Variants in HDAC5 observed in about 807,000 individuals in gnomAD.
HDAC5 encodes the protein histone deacetylase 5.
In HDAC5, 25 loss-of-function variants were observed where a neutral mutation model predicts 133.3. That is an observed-to-expected ratio of 0.19 (90% CI 0.14 to 0.26). HDAC5 has a LOEUF of 0.26. Among genes scored for constraint, HDAC5 ranks in the 10% least tolerant of loss-of-function variants. The pLI, the probability that HDAC5 is intolerant of heterozygous loss-of-function variation, is 1.00. For missense variants in HDAC5, 1,041 were observed against 1,460.5 expected (o/e 0.71, Z 4.68); for synonymous variants, 589 against 610.8 (o/e 0.96, Z 0.53).
chr17:44,110,722 C>A lies in HDAC5; in HGVS notation c.94+7G>T. ...CAGAGGGCAGGCAGGGACATCAAGG[C>A]ACTTACCTGTCACAGGGATGCTGTG... On this transcript the variant is annotated splice_region_variant and intron_variant, in intron 3 of 26. Coordinates refer to ENST00000682912, the MANE Select transcript of HDAC5 (RefSeq NM_005474.5). 6.2e-7 allele frequency: 1 copy of A among 1,611,916 alleles called. No homozygotes were observed. The highest frequency in any genetic ancestry group is 8.5e-7 in the Non-Finnish European group (1 of 1,178,580).
At chr17:44,084,815 C>T in intron 15 of HDAC5, 140 bp from the exon 16 acceptor site, 3 of 1,303,822 alleles carry the variant, frequency 2.3e-6, no homozygotes, top group Non-Finnish European at 3.2e-6. Context: ...CTGGCTCTGT[C>T]ATGACCTTAC....
Position 44,117,768 on chromosome 17 carries a change from T to C in HDAC5, c.-189-64A>G, listed in dbSNP as rs2052737097. Reference sequence around the variant, plus strand: ...AGGAATCTGAGAGTCGAAGGAGACCTTGGAGCTCATCAGTTTGTACCTGGG... The same window carrying C: ...AGGAATCTGAGAGTCGAAGGAGACCCTGGAGCTCATCAGTTTGTACCTGGG... On this transcript the variant is annotated intron_variant, in intron 1 of 26. Transcript: ENST00000682912. The surrounding 1 kb of genome is among the most constrained non-coding windows in gnomAD (Gnocchi z 4.2). 1.7e-6 allele frequency: 1 copy of C among 596,856 alleles called. No individual in the cohort carries two copies. The highest frequency in any genetic ancestry group is 2.0e-5 in the South Asian group (1 of 50,484). The allele number at this position is 596,856 out of a possible 1,614,324, so 37.0% of individuals were successfully genotyped here.
In HDAC5 at chr17:44,085,004, A is replaced by G. The variant is rs1382919373; in HGVS notation, c.2184+18T>C. 1.7e-5 allele frequency: 26 copies of G among 1,572,676 alleles called. No individual in the cohort carries two copies. In the Admixed American group the frequency reaches 3.1e-4, roughly 19 times the overall value. ...CTGGATTTAAGTTGAGAGCCAGAAG[A>G]AGGAGGGGCTCCCTTACCTCGCACT... On this transcript the variant is annotated intron_variant, in intron 15 of 26. Coordinates refer to ENST00000682912, the MANE Select transcript of HDAC5 (RefSeq NM_005474.5).
chr17:44,079,102 G>C (rs2050256749), intron 24 of HDAC5, 42 bp downstream of exon 24: 7 of 1,596,020 alleles, frequency 4.4e-6, no homozygotes, highest in South Asian at 3.3e-5. Context: ...TGGCCCCTCA[G>C]ACCTCTGGCC....
At chr17:44,080,279 C>T in intron 22 of HDAC5, 54 bp from the exon 23 acceptor site, 1 of 1,567,070 alleles carries the variant, frequency 6.4e-7, no homozygotes, top group Non-Finnish European at 8.8e-7. Flanking sequence ...CAGGCCTCGC[C>T]CCACTGTTAT....
chr17:44,115,652 G>A (rs1384779821), intron 2 of HDAC5, among the ~76,000 whole-genome samples: 1 of 152,228 alleles, frequency 6.6e-6, no homozygotes, highest in Non-Finnish European at 1.5e-5. Context: ...GGAACACTCT[G>A]CAGGAAGGGC....
chr17:44,102,110 C>G (rs2051650500), intron 3 of HDAC5, among the ~76,000 whole-genome samples: 1 of 152,194 alleles, frequency 6.6e-6, no homozygotes, highest in African/African-American at 2.4e-5. Context: ...CTGACAGGCC[C>G]AGCACTTAAG....
In HDAC5 at chr17:44,079,232, C is replaced by T. The variant is rs780944130; in HGVS notation, c.2990G>A (p.Arg997Gln). ...GCCTCCCTCCAGGGCCAGCACCACC[C>T]GGCCCCCTGCCAGGGTCATCAGCTG... ...TRQLMTLAGG[R>Q]VVLALEGGHD... The change falls in exon 24 of 27, where the codon CGG becomes CAG. Residue 997 changes from arginine (R) to glutamine (Q), a missense_variant. Physicochemically the swap from Arg to Gln is conservative, Grantham distance 43. Coordinates refer to ENST00000682912, the MANE Select transcript of HDAC5 (RefSeq NM_005474.5). 17 of 1,613,318 alleles carry T rather than the reference C, an allele frequency of 1.1e-5. No individual in the cohort carries two copies. The highest frequency in any genetic ancestry group is 9.3e-6 in the Non-Finnish European group (11 of 1,179,510).
In HDAC5 at chr17:44,078,225, G is replaced by T; in HGVS notation, c.*151C>A. The T allele has an allele frequency of 2.7e-6, 2 of 746,774 alleles. No homozygotes were observed. Among genetic ancestry groups the T allele is most frequent in the Non-Finnish European group, 4.1e-6 (2 of 489,036 alleles). The allele number at this position is 746,774 out of a possible 1,614,324, so 46.3% of individuals were successfully genotyped here. A position where few individuals can be genotyped will look rare whatever the true frequency, so the allele number is the denominator to read the frequency against. ...TCTAGAGCTGAGGTGGAAGCCACAG[G>T]GCTGGGGGCCTGAGGCAGCGTAGAG... On this transcript the variant is annotated 3_prime_UTR_variant, in exon 27 of 27. Transcript: ENST00000682912.
intron 2 of HDAC5, chr17:44,111,524 A>C (rs2052344078): frequency 2.1e-6 from 1 of 485,284 alleles, no homozygotes; most frequent in Non-Finnish European, 4.1e-6. Context: ...CTTGGCAAGC[A>C]AGCCAGGGGA....
intron 2 of HDAC5, chr17:44,111,660 T>A (rs754556903): frequency 3.9e-6 from 2 of 517,722 alleles, no homozygotes; most frequent in South Asian, 1.4e-5. Flanking sequence ...AATAGCCCCA[T>A]GGAGGTTTGC....
rs2050659392 is a variant in HDAC5, at chr17:44,086,564, G to A, written c.2050+8C>T. 1.3e-5 allele frequency: 17 copies of A among 1,299,508 alleles called. No homozygotes were observed. The highest frequency in any genetic ancestry group is 1.7e-5 in the Non-Finnish European group (17 of 1,016,298). 80.5% of individuals were successfully genotyped at this position (1,299,508 alleles called of 1,614,324 possible). Reference sequence around the variant, plus strand: ...GGCAGAAGGACCTAACAGTTGGTGGGGGCTCACCTGTGGTGAAGAGGTGCT... The same window carrying A: ...GGCAGAAGGACCTAACAGTTGGTGGAGGCTCACCTGTGGTGAAGAGGTGCT... On this transcript the variant is annotated splice_region_variant and intron_variant, in intron 14 of 26. Coordinates refer to ENST00000682912, the MANE Select transcript of HDAC5 (RefSeq NM_005474.5).
At chr17:44,084,148 C>T (rs1262426416) in intron 16 of HDAC5, among the ~76,000 whole-genome samples, 1 of 151,542 alleles carries the variant, frequency 6.6e-6, no homozygotes, top group Non-Finnish European at 1.5e-5. Context: ...ACCTCAACTG[C>T]CACAGGGCTA....
chr17:44,099,343 C>G (rs2143400312), intron 3 of HDAC5, among the ~76,000 whole-genome samples: 1 of 152,272 alleles, frequency 6.6e-6, no homozygotes, highest in East Asian at 1.9e-4. Context: ...CTTCCTTCTC[C>G]TGGGAGTGGT....
At chr17:44,108,954 G>A (rs1450597834) in intron 3 of HDAC5, among the ~76,000 whole-genome samples, 1 of 151,670 alleles carries the variant, frequency 6.6e-6, no homozygotes, top group Non-Finnish European at 1.5e-5. Context: ...GCCAGCGTTG[G>A]GGGTGGAGTG....
rs2050451859 is a variant in HDAC5 at position 44,082,685 on chromosome 17, G to A, written c.2520-13C>T. On this transcript the variant is annotated splice_polypyrimidine_tract_variant and intron_variant, in intron 19 of 26. Transcript: ENST00000682912. ...GAAGCAGAATCCCCTGAGGAGGGGA[G>A]AAAAGGGCAGGAGGTCAGCCTCAGC... 1.9e-6 allele frequency: 3 copies of A among 1,612,956 alleles called. No individual in the cohort carries two copies. The highest frequency in any genetic ancestry group is 2.7e-5 in the African/African-American group (2 of 74,884).
chr17:44,121,206 G>T (rs890262554), intron 1 of HDAC5, among the ~76,000 whole-genome samples: 2 of 151,962 alleles, frequency 1.3e-5, no homozygotes, highest in African/African-American at 4.8e-5. Context: ...AAAACCTCAG[G>T]CAGAATGATA....
At chr17:44,103,611 C>T (rs920894050) in intron 3 of HDAC5, among the ~76,000 whole-genome samples, 1 of 151,976 alleles carries the variant, frequency 6.6e-6, no homozygotes, top group African/African-American at 2.4e-5. Context: ...TCAAGAGGTG[C>T]GAGGCAGGGC....
chr17:44,102,197 A>G (rs1011463229), intron 3 of HDAC5, among the ~76,000 whole-genome samples: 2 of 152,210 alleles, frequency 1.3e-5, no homozygotes, highest in Admixed American at 6.5e-5. Context: ...CCAAGCTCCA[A>G]TCGCCAGGCC....
Sources: allele counts gnomAD v4.1 joint callset (sites outside exome capture counted in the v4.1 genomes callset), GRCh38; gene constraint gnomAD v4.1.1; non-coding constraint Gnocchi (gnomAD v3.1); transcripts MANE v1.5; gene names NCBI Gene and HGNC (gene_info 2026-07-23, HGNC 2026-07-21).